Variants in GYS2 observed in about 807,000 individuals in gnomAD.
GYS2 encodes glycogen [starch] synthase, liver.
GYS2 carries 80 observed loss-of-function variants against 85.6 expected under a neutral mutation model. The ratio of observed to expected loss-of-function variants is 0.93; its 90% CI spans 0.78 to 1.13. GYS2 has a LOEUF of 1.13. Among genes scored for constraint, GYS2 ranks in the 50% most tolerant of loss-of-function variants. GYS2 has a pLI of 0.00. For synonymous variants in GYS2, 328 were observed against 300.7 expected (o/e 1.09, Z -0.94); for missense variants, 881 against 854.9 (o/e 1.03, Z -0.38).
At chr12:21,533,998 C>T (rs1831471271), downstream of GYS2, among the ~76,000 whole-genome samples, 1 of 152,178 alleles carries the variant, frequency 6.6e-6, no homozygotes, top group African/African-American at 2.4e-5. Flanking sequence ...TAATCCTATT[C>T]ATGAGGGCTC....
chr12:21,536,125 G>C lies in GYS2; in HGVS notation c.*829C>G, dbSNP rs747199666. ...GTGAAAGTTGTTATTCAATATTAATGTGTTTATTTACTTGGATTTAACAAC... is the reference window on the plus strand; with the variant it reads ...GTGAAAGTTGTTATTCAATATTAATCTGTTTATTTACTTGGATTTAACAAC... On this transcript the variant is annotated 3_prime_UTR_variant, in exon 16 of 16. Transcript: ENST00000261195. 8 of 152,128 alleles carry C rather than the reference G, an allele frequency of 5.3e-5. No individual in the cohort carries two copies. The highest frequency in any genetic ancestry group is 2.1e-4 in the South Asian group (1 of 4,822). 9.4% of individuals were successfully genotyped at this position (152,128 alleles called of 1,614,324 possible).
At chr12:21,557,626 G>A (rs140305755) in intron 11 of GYS2, among the ~76,000 whole-genome samples, 3,202 of 152,258 alleles carry the variant, frequency 0.021, 68 homozygotes, top group Non-Finnish European at 0.03. Flanking sequence ...CTGGCCGGGC[G>A]CGGTGGCTCA....
Position 21,559,691 on chromosome 12 carries a change from T to G in GYS2, c.1189A>C (p.Lys397Gln), listed in dbSNP as rs1434104089. 5.6e-6 allele frequency: 9 copies of G among 1,593,580 alleles called. No homozygotes were observed. The highest frequency in any genetic ancestry group is 7.7e-6 in the Non-Finnish European group (9 of 1,161,480). ...TAGAGTTTTTTTCCAAACTTTTCCT[T>G]CACAGAATGTGCAACATCCCTGTTT... ...KQLWDVAHSVKEKFGKKLYDA... is the reference protein window; with the variant it reads ...KQLWDVAHSVQEKFGKKLYDA... The change falls in exon 9 of 16, where the codon AAG (lysine) becomes CAG (glutamine). Residue 397 changes from lysine to glutamine, a missense_variant. Transcript: ENST00000261195.
chr12:21,553,742 T>G (rs932325185), intron 11 of GYS2, among the ~76,000 whole-genome samples: 1 of 152,000 alleles, frequency 6.6e-6, no homozygotes, highest in African/African-American at 2.4e-5. Flanking sequence ...GTAGTAACAT[T>G]AACACTAATA....
chr12:21,549,781 G>T (rs537874555), intron 11 of GYS2, among the ~76,000 whole-genome samples: 5 of 152,012 alleles, frequency 3.3e-5, no homozygotes, highest in Non-Finnish European at 7.4e-5. Flanking sequence ...AGGTGGTAAA[G>T]GTTTTCTATT....
At chr12:21,544,216 G>T (rs1021898117) in intron 12 of GYS2, among the ~76,000 whole-genome samples, 1 of 152,120 alleles carries the variant, frequency 6.6e-6, no homozygotes, top group Admixed American at 6.6e-5. Flanking sequence ...TGTAACTATA[G>T]GTTAGGGGAA....
At chr12:21,564,504 G>A (rs1944294711) in intron 5 of GYS2, among the ~76,000 whole-genome samples, 1 of 151,968 alleles carries the variant, frequency 6.6e-6, no homozygotes, top group Admixed American at 6.6e-5. Context: ...ATCAATCCAG[G>A]CTTTTTGGTC....
rs1045514625 is a variant in GYS2 at position 21,536,846 on chromosome 12, C to T, written c.*108G>A. ...CCACTTTTTAGGCAGAGAATAAACT[C>T]CATTGTAATACTTAGAAGGAGAAAA... On this transcript the variant is annotated 3_prime_UTR_variant, in exon 16 of 16. Coordinates refer to ENST00000261195, the MANE Select transcript of GYS2 (RefSeq NM_021957.4). 1.4e-5 allele frequency: 11 copies of T among 776,892 alleles called. No individual in the cohort carries two copies. The highest frequency in any genetic ancestry group is 2.0e-5 in the Non-Finnish European group (9 of 449,826). The allele number at this position is 776,892 out of a possible 1,614,324, so 48.1% of individuals were successfully genotyped here.
intron 4 of GYS2, among the ~76,000 whole-genome samples, chr12:21,571,538 T>G (rs938399332): frequency 1.3e-5 from 2 of 152,206 alleles, no homozygotes; most frequent in African/African-American, 4.8e-5. Flanking sequence ...GTAATTGAAG[T>G]TGACTAGCTC....
intron 1 of GYS2, among the ~76,000 whole-genome samples, chr12:21,602,369 C>A (rs1030142966): frequency 6.6e-6 from 1 of 152,014 alleles, no homozygotes; most frequent in Non-Finnish European, 1.5e-5. Context: ...GCTCTATGAA[C>A]TGGAGGAGTG....
At chr12:21,553,581 T>C (rs1944138728) in intron 11 of GYS2, among the ~76,000 whole-genome samples, 1 of 152,160 alleles carries the variant, frequency 6.6e-6, no homozygotes, top group Non-Finnish European at 1.5e-5. Context: ...GTTTGGGGAA[T>C]CCCTATCCCT....
At chr12:21,589,431 T>C (rs1053271085) in intron 1 of GYS2, among the ~76,000 whole-genome samples, 4 of 152,058 alleles carry the variant, frequency 2.6e-5, no homozygotes, top group African/African-American at 9.7e-5. Context: ...ACATAAAGCT[T>C]AAAAAATTTC....
At chr12:21,590,698 C>A (rs1363974170) in intron 1 of GYS2, among the ~76,000 whole-genome samples, 3 of 152,176 alleles carry the variant, frequency 2.0e-5, no homozygotes, top group African/African-American at 7.2e-5. Flanking sequence ...AGACTCATTA[C>A]CATCAGTGCC....
At position 21,563,269 on chromosome 12, in the gene GYS2, G is replaced by C. The variant is rs2136883021; in HGVS notation, c.900C>G (p.Tyr300Ter). The part of the protein sequence containing the change: ...VHEFQNLHAM[Y>*]KARIQDFVRG... ...GAACAAAATCTTGGATTCTGGCCTT[G>C]TACATGGCATGTAGATTTTGAAACT... The change falls in exon 6 of 16, where the codon TAC becomes TAG. Residue 300 changes from tyrosine (Y) to a stop codon, truncating the protein, a stop_gained. Coordinates refer to ENST00000261195, the MANE Select transcript of GYS2 (RefSeq NM_021957.4). LOFTEE classifies it high-confidence loss of function. 6.2e-7 allele frequency: 1 copy of C among 1,612,030 alleles called. No individual in the cohort carries two copies.
intron 12 of GYS2, among the ~76,000 whole-genome samples, chr12:21,543,210 A>G (rs1943999627): frequency 6.6e-6 from 1 of 152,150 alleles, no homozygotes; most frequent in Non-Finnish European, 1.5e-5. Flanking sequence ...CATTTTTAGG[A>G]ATTTATATTT....
rs577718142 is a variant in GYS2, at chr12:21,575,862, A to C, written c.495+4T>G. On this transcript the variant is annotated splice_donor_region_variant and intron_variant, in intron 3 of 15. Transcript: ENST00000261195. ...CCGTTGTATCACTATATAATAAACC[A>C]TACCTCTTTTAAGAACCAGGCAGTT... The C allele has an allele frequency of 6.2e-7, 1 of 1,606,188 alleles. No individual in the cohort carries two copies. The highest frequency in any genetic ancestry group is 1.3e-5 in the African/African-American group (1 of 74,764).
chr12:21,600,943 T>C (rs374686642), intron 1 of GYS2, among the ~76,000 whole-genome samples: 2 of 152,108 alleles, frequency 1.3e-5, no homozygotes, highest in African/African-American at 4.8e-5. Context: ...CAGCAATACG[T>C]TGGCTTAGGC....
intron 7 of GYS2, among the ~76,000 whole-genome samples, chr12:21,562,127 G>A (rs1397808498): frequency 1.3e-5 from 2 of 152,120 alleles, no homozygotes; most frequent in East Asian, 1.9e-4. Context: ...TGCTCGGTTA[G>A]TTGAGAACCC....
At chr12:21,560,601 AG>A (rs1944241655) in intron 7 of GYS2, 109 bp from the exon 8 acceptor site, 1 of 715,536 alleles carries the variant, frequency 1.4e-6, no homozygotes, top group Non-Finnish European at 2.6e-6. Flanking sequence ...AGTAGATAAA[AG>A]GTATAGTTAT....
Sources: gnomAD v4.1 joint callset for allele counts (sites outside exome capture counted in the v4.1 genomes callset) on GRCh38, gnomAD v4.1.1 for gene constraint, MANE v1.5 for transcripts, NCBI Gene and HGNC (gene_info 2026-07-23, HGNC 2026-07-21) for gene names.